KCNJ3: variants seen among roughly 807,000 people sequenced by gnomAD.
KCNJ3 encodes potassium inwardly rectifying channel subfamily J member 3, also known as G protein-activated inward rectifier potassium channel 1.
Under a neutral mutation model 39.2 loss-of-function variants are expected in KCNJ3, and 4 were observed. The ratio of observed to expected loss-of-function variants is 0.10; its 90% CI spans 0.05 to 0.23. The LOEUF (loss-of-function observed/expected upper bound fraction) is 0.23, where lower values mean the gene tolerates loss of function less well. Among genes scored for constraint, KCNJ3 ranks in the 10% least tolerant of loss-of-function variants. The probability of loss-of-function intolerance (pLI) is 1.00; values close to 1 mark genes in which losing one functional copy is unlikely to be tolerated. For missense variants in KCNJ3, 276 were observed against 634.9 expected (o/e 0.43, Z 6.08); for synonymous variants, 230 against 237.4 (o/e 0.97, Z 0.29).
chr2:154,732,967 GC>G (rs1685469596), intron 2 of KCNJ3, among the ~76,000 whole-genome samples: 1 of 152,076 alleles, frequency 6.6e-6, no homozygotes, highest in Non-Finnish European at 1.5e-5. Flanking sequence ...AGCCAAGTCT[GC>G]CCAGCACAAC....
chr2:154,840,609 CG>C (rs1687558649), intron 2 of KCNJ3, among the ~76,000 whole-genome samples: 1 of 152,116 alleles, frequency 6.6e-6, no homozygotes, highest in South Asian at 2.1e-4. Flanking sequence ...TCTTTTAGTT[CG>C]TTGAGCAGTG....
intron 2 of KCNJ3, among the ~76,000 whole-genome samples, chr2:154,751,484 G>T (rs1020671513): frequency 2.6e-5 from 4 of 151,798 alleles, no homozygotes; most frequent in African/African-American, 9.7e-5. Flanking sequence ...ATAGACACAG[G>T]ATATGTCCTA....
chr2:154,735,191 AT>A, intron 2 of KCNJ3, among the ~76,000 whole-genome samples: 1 of 150,998 alleles, frequency 6.6e-6, no homozygotes, highest in Non-Finnish European at 1.5e-5. Flanking sequence ...GGTTCACACC[AT>A]TCTCCTGCCT....
At chr2:154,807,501 G>A (rs1314534360) in intron 2 of KCNJ3, among the ~76,000 whole-genome samples, 1 of 152,164 alleles carries the variant, frequency 6.6e-6, no homozygotes, top group Non-Finnish European at 1.5e-5. Context: ...CTTTGTCTTT[G>A]GAGGGATAAC....
At chr2:154,840,234 A>T (rs541373659) in intron 2 of KCNJ3, among the ~76,000 whole-genome samples, 5 of 152,278 alleles carry the variant, frequency 3.3e-5, no homozygotes, top group African/African-American at 1.2e-4. Flanking sequence ...AGGTTTGTCA[A>T]AGATCAGATG....
At chr2:154,709,911 C>T (rs1375054688) in intron 2 of KCNJ3, 92 bp downstream of exon 2, 3 of 1,398,878 alleles carry the variant, frequency 2.1e-6, no homozygotes, top group Non-Finnish European at 2.9e-6. Flanking sequence ...GGCGAAATGA[C>T]TCAGAGTTTA....
chr2:154,771,301 A>G (rs1686238493), intron 2 of KCNJ3, among the ~76,000 whole-genome samples: 1 of 152,222 alleles, frequency 6.6e-6, no homozygotes. Context: ...TTAATCAATG[A>G]TGTTGGGACA....
intron 2 of KCNJ3, among the ~76,000 whole-genome samples, chr2:154,819,246 T>C (rs1687130685): frequency 6.6e-6 from 1 of 152,124 alleles, no homozygotes; most frequent in African/African-American, 2.4e-5. Flanking sequence ...CCTAGTTTCA[T>C]GGCCAAGCAA....
At position 154,787,672 on chromosome 2, in the gene KCNJ3, T is replaced by C. The variant is rs1184357311; in HGVS notation, c.920-67055T>C. 2.7e-5 allele frequency among the ~76,000 whole-genome samples: 4 copies of C among 150,708 alleles called. No individual in the cohort carries two copies. In the East Asian group the frequency reaches 7.8e-4, roughly 29 times the overall value. On this transcript the variant is annotated intron_variant, in intron 2 of 2. Transcript: ENST00000295101. ...TCTCGGTGGAGTTAGATGTAGATAATTTGGCATTTCTTACTCACTCTTCAA... is the reference window on the plus strand; with the variant it reads ...TCTCGGTGGAGTTAGATGTAGATAACTTGGCATTTCTTACTCACTCTTCAA...
rs1312236512 is a variant in KCNJ3, at chr2:154,699,757, T to C, written c.702+280T>C. Among the ~76,000 whole-genome samples, 9 of 152,132 alleles carry C rather than the reference T, an allele frequency of 5.9e-5. No individual in the cohort carries two copies. The highest frequency in any genetic ancestry group is 1.0e-4 in the Non-Finnish European group (7 of 68,036). ...ACACGTGAGGACTGCTGTTGGCTCCTGGAGCCATGAGGGCAATTAGTGCCC... is the reference window on the plus strand; with the variant it reads ...ACACGTGAGGACTGCTGTTGGCTCCCGGAGCCATGAGGGCAATTAGTGCCC... On this transcript the variant is annotated intron_variant, in intron 1 of 2. Transcript: ENST00000295101. This position sits in a 1 kb window ranked among gnomAD's most constrained non-coding sequence, Gnocchi z 6.4.
chr2:154,741,501 GT>G (rs1685653655), intron 2 of KCNJ3, among the ~76,000 whole-genome samples: 1 of 151,584 alleles, frequency 6.6e-6, no homozygotes, highest in Non-Finnish European at 1.5e-5. Flanking sequence ...AGAATCGATT[GT>G]GTTAAGAATT....
chr2:154,772,141 G>A (rs921055390), intron 2 of KCNJ3, among the ~76,000 whole-genome samples: 2 of 152,124 alleles, frequency 1.3e-5, no homozygotes, highest in African/African-American at 2.4e-5. Context: ...GAGTGAAGCC[G>A]TAAAACAACA....
At chr2:154,705,916 G>A (rs1279254970) in intron 1 of KCNJ3, among the ~76,000 whole-genome samples, 1 of 152,036 alleles carries the variant, frequency 6.6e-6, no homozygotes, top group East Asian at 1.9e-4. Context: ...CTATAAAATT[G>A]AAAGTAGAAG....
intron 2 of KCNJ3, among the ~76,000 whole-genome samples, chr2:154,819,926 CTTTATGATGAGTA>C (rs1687145246): frequency 1.3e-5 from 2 of 151,942 alleles, no homozygotes; most frequent in South Asian, 4.2e-4. Flanking sequence ...AAAAAAATCC[CTTTATGATGAGTA>C]TGTTCAAATT....
Position 154,854,978 on chromosome 2 carries a change from G to A in KCNJ3, c.1171G>A (p.Gly391Arg). The A allele has an allele frequency of 1.2e-6, 2 of 1,613,874 alleles. No individual in the cohort carries two copies. Among genetic ancestry groups the A allele is most frequent in the African/African-American group, 2.7e-5 (2 of 74,980 alleles). ...ACATAATTCTGTGGAATGCTTAGAT[G>A]GACTAGATGATATTACTACAAAACT... The part of the protein sequence containing the change: ...ERHNSVECLD[G>R]LDDITTKLPS... The change falls in exon 3 of 3, where the codon GGA (glycine) becomes AGA (arginine). Residue 391 changes from glycine (G) to arginine (R), a missense_variant. Gly to Arg is a moderately radical substitution (Grantham distance 125). Coordinates refer to ENST00000295101, the MANE Select transcript of KCNJ3 (RefSeq NM_002239.4).
At chr2:154,758,628 T>C (rs894831183) in intron 2 of KCNJ3, among the ~76,000 whole-genome samples, 1 of 152,186 alleles carries the variant, frequency 6.6e-6, no homozygotes, top group African/African-American at 2.4e-5. Context: ...CAATCCCTAG[T>C]TGGTTGAATC....
At chr2:154,755,628 G>C (rs911278120) in intron 2 of KCNJ3, among the ~76,000 whole-genome samples, 4 of 149,344 alleles carry the variant, frequency 2.7e-5, no homozygotes, top group Non-Finnish European at 5.9e-5. Flanking sequence ...AAATCTACGA[G>C]GGCATAAATA....
At chr2:154,756,112 A>G (rs1218272373) in intron 2 of KCNJ3, among the ~76,000 whole-genome samples, 2 of 152,102 alleles carry the variant, frequency 1.3e-5, no homozygotes, top group Non-Finnish European at 2.9e-5. Flanking sequence ...CAGCATACTT[A>G]TTACATACTT....
chr2:154,833,616 TATG>T (rs1687399964), intron 2 of KCNJ3, among the ~76,000 whole-genome samples: 2 of 152,216 alleles, frequency 1.3e-5, no homozygotes, highest in African/African-American at 4.8e-5. Flanking sequence ...TTAACAAATG[TATG>T]ATGATGTATA....
Sources: allele counts gnomAD v4.1 joint callset (sites outside exome capture counted in the v4.1 genomes callset), GRCh38; gene constraint gnomAD v4.1.1; non-coding constraint Gnocchi (gnomAD v3.1); transcripts MANE v1.5; gene names NCBI Gene and HGNC (gene_info 2026-07-23, HGNC 2026-07-21).